GPHN: variants seen among roughly 807,000 people sequenced by gnomAD.
GPHN encodes the protein gephyrin.
A neutral mutation model predicts 95.5 loss-of-function variants in GPHN; 17 were observed. The ratio of observed to expected loss-of-function variants is 0.18; its 90% confidence interval spans 0.12 to 0.27. GPHN has a LOEUF of 0.27. Ranked by LOEUF, GPHN falls within the 10% of genes least tolerant of loss-of-function variation. The pLI, the probability that GPHN is intolerant of heterozygous loss-of-function variation, is 1.00. For missense variants in GPHN, 660 were observed against 978.1 expected (o/e 0.67, Z 4.34); for synonymous variants, 320 against 322.5 (o/e 0.99, Z 0.08).
the GPHN span, among the ~76,000 whole-genome samples, chr14:67,414,112 C>T: frequency 2.0e-5 from 3 of 152,180 alleles, no homozygotes; most frequent in African/African-American, 4.8e-5. Flanking sequence ...GCTGTCTTGG[C>T]CCCACCCAGA....
intron 2 of GPHN, among the ~76,000 whole-genome samples, chr14:66,761,220 A>G (rs1269969111): frequency 6.6e-6 from 1 of 152,214 alleles, no homozygotes; most frequent in African/African-American, 2.4e-5. Flanking sequence ...TGATAGATAT[A>G]CTTAATGTAA....
chr14:67,340,249 A>T, the GPHN span: 3 of 543,770 alleles, frequency 5.5e-6, no homozygotes, highest in South Asian at 2.8e-5. Flanking sequence ...ATGCCATGTT[A>T]TAGGTACATG....
the GPHN span, among the ~76,000 whole-genome samples, chr14:67,521,196 A>G: frequency 2.0e-5 from 3 of 152,254 alleles, no homozygotes; most frequent in African/African-American, 4.8e-5. Context: ...ACACATCATT[A>G]TCACCCAAAG....
At chr14:67,484,930 C>T in the GPHN span, among the ~76,000 whole-genome samples, 1 of 152,176 alleles carries the variant, frequency 6.6e-6, no homozygotes, top group African/African-American at 2.4e-5. Flanking sequence ...TATATAGCCT[C>T]TGTGCTCATT....
intron 10 of GPHN, among the ~76,000 whole-genome samples, chr14:67,052,427 A>G (rs2075349324): frequency 6.6e-6 from 1 of 152,156 alleles, no homozygotes; most frequent in South Asian, 2.1e-4. Flanking sequence ...TCCTAAATAT[A>G]CAGGAGGACC....
At chr14:67,202,262 G>A in the GPHN span, among the ~76,000 whole-genome samples, 9 of 152,168 alleles carry the variant, frequency 5.9e-5, no homozygotes, top group African/African-American at 2.2e-4. Flanking sequence ...CCAACATGGT[G>A]AAGCCCCGTC....
chr14:67,046,923 T>A (rs2075046432), intron 10 of GPHN, among the ~76,000 whole-genome samples: 1 of 152,170 alleles, frequency 6.6e-6, no homozygotes, highest in African/African-American at 2.4e-5. Flanking sequence ...TTCTTTAAAT[T>A]ACCAAGGACC....
chr14:66,544,898 G>A (rs1314606201), intron 1 of GPHN, among the ~76,000 whole-genome samples: 1 of 152,090 alleles, frequency 6.6e-6, no homozygotes, highest in Non-Finnish European at 1.5e-5. Context: ...AGAGCACAGG[G>A]TTGGGGGTAA....
At chr14:67,365,772 A>C in the GPHN span, among the ~76,000 whole-genome samples, 1 of 152,174 alleles carries the variant, frequency 6.6e-6, no homozygotes, top group African/African-American at 2.4e-5. Flanking sequence ...CCTTGATTCA[A>C]CTTACCCTTC....
chr14:67,502,473 G>A, the GPHN span, among the ~76,000 whole-genome samples: 3 of 104,410 alleles, frequency 2.9e-5, no homozygotes, highest in Admixed American at 1.0e-4. Flanking sequence ...TTTTTTTTGA[G>A]ACTGAGTTTT....
At chr14:67,464,937 C>T in the GPHN span, among the ~76,000 whole-genome samples, 1 of 152,214 alleles carries the variant, frequency 6.6e-6, no homozygotes, top group Non-Finnish European at 1.5e-5. Context: ...GTTAATCCCT[C>T]TTTCCCTAAC....
At chr14:67,270,482 G>C in the GPHN span, 1 of 151,690 alleles carries the variant, frequency 6.6e-6, no homozygotes, top group Non-Finnish European at 1.5e-5. Flanking sequence ...AAAAGAATTA[G>C]GGCCAGTAAC....
At chr14:67,391,271 ATGTGTGTGTGTG>A in the GPHN span, among the ~76,000 whole-genome samples, 12 of 143,910 alleles carry the variant, frequency 8.3e-5, no homozygotes, top group Admixed American at 5.5e-4. Context: ...AGCAGCTGAT[ATGTGTGTGTGTG>A]TGTGTGTGTG....
chr14:66,708,859 T>G (rs1405892506), intron 2 of GPHN, among the ~76,000 whole-genome samples: 1 of 152,138 alleles, frequency 6.6e-6, no homozygotes, highest in Non-Finnish European at 1.5e-5. Context: ...AGCTCAAAAG[T>G]CCCTATCATC....
At chr14:66,970,944 C>T (rs1365036012) in intron 9 of GPHN, among the ~76,000 whole-genome samples, 1 of 152,190 alleles carries the variant, frequency 6.6e-6, no homozygotes, top group African/African-American at 2.4e-5. Context: ...ATTTCTCAAA[C>T]ATACTGGTCT....
intron 2 of GPHN, among the ~76,000 whole-genome samples, chr14:66,735,690 T>A (rs138839205): frequency 6.6e-6 from 1 of 152,142 alleles, no homozygotes; most frequent in African/African-American, 2.4e-5. Flanking sequence ...ACTTCTGATA[T>A]AGCCAAATTT....
the GPHN span, chr14:67,677,913 G>C: frequency 5.6e-4 from 88 of 157,384 alleles, no homozygotes; most frequent in Admixed American, 3.2e-3. Flanking sequence ...TGAGGTTGCA[G>C]TGTGGCCCTC....
At chr14:67,330,112 A>G in the GPHN span, among the ~76,000 whole-genome samples, 1 of 149,962 alleles carries the variant, frequency 6.7e-6, no homozygotes. Flanking sequence ...AAAGAGGAAT[A>G]AAGACACAAT....
the GPHN span, among the ~76,000 whole-genome samples, chr14:67,591,354 C>T: frequency 6.6e-6 from 1 of 152,138 alleles, no homozygotes; most frequent in Non-Finnish European, 1.5e-5. Flanking sequence ...ATCTTAAACA[C>T]TAGAAATCTA....
Sources: allele counts gnomAD v4.1 joint callset (sites outside exome capture counted in the v4.1 genomes callset), GRCh38; gene constraint gnomAD v4.1.1; transcripts MANE v1.5; gene names NCBI Gene and HGNC (gene_info 2026-07-23, HGNC 2026-07-21).